Variants in SLC12A7 observed in about 807,000 individuals in gnomAD.
SLC12A7 encodes solute carrier family 12 member 7.
SLC12A7 carries 100 observed loss-of-function variants against 120.6 expected under a neutral mutation model. That is an observed-to-expected ratio of 0.83 (90% confidence interval 0.71 to 0.98). SLC12A7 has a LOEUF of 0.98. SLC12A7 is among the 50% of genes least tolerant of loss of function. The probability of loss-of-function intolerance (pLI) is 0.00; values close to 1 mark genes in which losing one functional copy is unlikely to be tolerated. For synonymous variants in SLC12A7, 760 were observed against 678.0 expected (o/e 1.12, Z -1.88); for missense variants, 1,373 against 1,548.1 (o/e 0.89, Z 1.90).
At chr5:1,140,248 C>G in the SLC12A7 span, among the ~76,000 whole-genome samples, 1 of 152,336 alleles carries the variant, frequency 6.6e-6, no homozygotes, top group East Asian at 1.9e-4. Flanking sequence ...CCAGGCAGAT[C>G]CCCCTCCTGA....
At chr5:1,124,509 C>T in the SLC12A7 span, among the ~76,000 whole-genome samples, 6 of 152,286 alleles carry the variant, frequency 3.9e-5, no homozygotes, top group African/African-American at 7.2e-5. Flanking sequence ...TCCAGACCAA[C>T]GAAAACTGTG....
chr5:1,093,930 T>G (rs1579412745), intron 2 of SLC12A7, among the ~76,000 whole-genome samples: 1 of 152,002 alleles, frequency 6.6e-6, no homozygotes, highest in East Asian at 1.9e-4. Flanking sequence ...CGGAGCACCC[T>G]AGATCCAGGA....
chr5:1,107,087 G>C (rs1246416711), intron 1 of SLC12A7, among the ~76,000 whole-genome samples: 1 of 152,180 alleles, frequency 6.6e-6, no homozygotes, highest in Non-Finnish European at 1.5e-5. Flanking sequence ...CGGGTTCAGT[G>C]AACGCTGATC....
intron 6 of SLC12A7, 101 bp from the exon 7 acceptor site, chr5:1,085,574 C>G (rs555485996): frequency 2.7e-5 from 39 of 1,450,006 alleles, no homozygotes; most frequent in Middle Eastern, 4.3e-4. Context: ...CTCCTCCCAA[C>G]AGGTGCCGGG....
Position 1,065,489 on chromosome 5 carries a change from C to T in SLC12A7, c.2242-11G>A. 2 of 1,562,814 alleles carry T rather than the reference C, an allele frequency of 1.3e-6. No individual in the cohort carries two copies. The highest frequency in any genetic ancestry group is 1.2e-5 in the South Asian group (1 of 84,006). On this transcript the variant is annotated splice_polypyrimidine_tract_variant and intron_variant, in intron 17 of 23. Coordinates refer to ENST00000264930, the MANE Select transcript of SLC12A7 (RefSeq NM_006598.3). ...TAGGGACCGTATGTTCTGCGGGAGA[C>T]AGGACAGGTTGGTGCTACAGCAGGA...
the SLC12A7 span, among the ~76,000 whole-genome samples, chr5:1,130,826 A>ACAGCC: frequency 6.6e-6 from 1 of 152,218 alleles, no homozygotes; most frequent in African/African-American, 2.4e-5. Context: ...TGAGCTCAGC[A>ACAGCC]CAGCCCATGC....
At chr5:1,058,372 G>C in intron 21 of SLC12A7, among the ~76,000 whole-genome samples, 1 of 152,250 alleles carries the variant, frequency 6.6e-6, no homozygotes, top group Non-Finnish European at 1.5e-5. Flanking sequence ...GTCGTGGCCA[G>C]CCTGACAGGT....
At chr5:1,085,678 C>T (rs916681767) in intron 6 of SLC12A7, among the ~76,000 whole-genome samples, 5 of 150,598 alleles carry the variant, frequency 3.3e-5, no homozygotes, top group African/African-American at 1.2e-4. Flanking sequence ...AGGCGAGGGA[C>T]GGAGCCCGCG....
chr5:1,111,412 G>A (rs1025636001), intron 1 of SLC12A7, among the ~76,000 whole-genome samples: 4 of 152,142 alleles, frequency 2.6e-5, no homozygotes, highest in African/African-American at 9.7e-5. Context: ...GTCAGGCGGG[G>A]GCAGGACGGG....
At chr5:1,134,897 G>T in the SLC12A7 span, among the ~76,000 whole-genome samples, 2 of 152,102 alleles carry the variant, frequency 1.3e-5, no homozygotes, top group Admixed American at 1.3e-4. Context: ...ACTTTGGGAG[G>T]CTGAGATGGG....
intron 5 of SLC12A7, among the ~76,000 whole-genome samples, 176 bp downstream of exon 5, chr5:1,088,130 G>A (rs1313943950): frequency 1.3e-5 from 2 of 152,196 alleles, no homozygotes; most frequent in African/African-American, 2.4e-5. Context: ...CCAAACAGCC[G>A]TGACCTCACG....
intron 7 of SLC12A7, 112 bp downstream of exon 7, chr5:1,085,120 C>T (rs1049719099): frequency 2.3e-5 from 33 of 1,447,252 alleles, no homozygotes; most frequent in Non-Finnish European, 3.1e-5. Context: ...ACACCCAGCC[C>T]ACCCCTTGCG....
chr5:1,148,124 T>C, the SLC12A7 span, among the ~76,000 whole-genome samples: 2 of 152,114 alleles, frequency 1.3e-5, no homozygotes, highest in African/African-American at 4.8e-5. Flanking sequence ...TGGGCCATGG[T>C]CACTCACATT....
At chr5:1,153,094 C>G in the SLC12A7 span, among the ~76,000 whole-genome samples, 1 of 152,222 alleles carries the variant, frequency 6.6e-6, no homozygotes, top group Non-Finnish European at 1.5e-5. Context: ...TGGCTGGAGC[C>G]ATCCTCCTCC....
chr5:1,066,802 T>C (rs1194944679), intron 17 of SLC12A7, among the ~76,000 whole-genome samples: 1 of 151,964 alleles, frequency 6.6e-6, no homozygotes, highest in African/African-American at 2.4e-5. Context: ...GGCAGGAGGA[T>C]CCTCCCGGGA....
chr5:1,119,154 G>A, the SLC12A7 span, among the ~76,000 whole-genome samples: 1 of 152,358 alleles, frequency 6.6e-6, no homozygotes, highest in South Asian at 2.1e-4. Flanking sequence ...GCGCTGGAAG[G>A]CTGAGTTCTG....
At chr5:1,122,772 G>A in the SLC12A7 span, among the ~76,000 whole-genome samples, 9 of 152,364 alleles carry the variant, frequency 5.9e-5, no homozygotes, top group South Asian at 1.0e-3. Context: ...CTCGGCTGTC[G>A]AGTGTCCACT....
intron 18 of SLC12A7, among the ~76,000 whole-genome samples, chr5:1,064,666 G>A (rs967529424): frequency 3.9e-5 from 6 of 151,952 alleles, no homozygotes; most frequent in African/African-American, 1.5e-4. Flanking sequence ...GACAGTGAAG[G>A]GATAGCGAGG....
At chr5:1,137,768 C>T in the SLC12A7 span, among the ~76,000 whole-genome samples, 41 of 152,368 alleles carry the variant, frequency 2.7e-4, no homozygotes, top group Admixed American at 7.2e-4. Flanking sequence ...CGCCCAGGTG[C>T]GTCATCAGAA....
Sources: gnomAD v4.1 joint callset for allele counts (sites outside exome capture counted in the v4.1 genomes callset) on GRCh38, gnomAD v4.1.1 for gene constraint, MANE v1.5 for transcripts, NCBI Gene and HGNC (gene_info 2026-07-23, HGNC 2026-07-21) for gene names.